MALRD1: variants seen among roughly 807,000 people sequenced by gnomAD.
MALRD1 encodes MAM and LDL receptor class A domain containing 1.
MALRD1 carries 247 observed loss-of-function variants against 242.1 expected under a neutral mutation model. The ratio of observed to expected loss-of-function variants is 1.02; its 90% confidence interval spans 0.92 to 1.13. The LOEUF is 1.13. Ranked by LOEUF, MALRD1 falls within the 50% of genes most tolerant of loss-of-function variation. The pLI, the probability that MALRD1 is intolerant of heterozygous loss-of-function variation, is 0.00. For synonymous variants in MALRD1, 995 were observed against 866.6 expected, an observed-to-expected ratio of 1.15 and a Z score of -2.60; for missense variants, 2,989 against 2,533.1, an observed-to-expected ratio of 1.18 and a Z score of -3.86.
rs528235756 is a variant in MALRD1 at position 19,587,329 on chromosome 10, A to G, written c.5681-7865A>G. On this transcript the variant is annotated intron_variant, in intron 33 of 39. Transcript: ENST00000454679. The stretch of plus-strand genomic sequence containing the variant: ...TACCCATTTGTAACAGGTGCATTAT[A>G]TTTTACAATGAGCATTTTTACTGTC... Among the ~76,000 whole-genome samples, 12 of 152,334 alleles carry G rather than the reference A, an allele frequency of 7.9e-5. No homozygotes were observed. In the South Asian group the frequency reaches 2.1e-3, roughly 26 times the overall value.
chr10:19,104,334 C>T (rs996056916), intron 5 of MALRD1, among the ~76,000 whole-genome samples: 4 of 152,244 alleles, frequency 2.6e-5, no homozygotes, highest in South Asian at 2.1e-4. Context: ...ATGTTTACAA[C>T]GGCTAAAGTT....
rs181917589 is a variant in MALRD1, at chr10:19,292,849, C to T, written c.3419+9668C>T. On this transcript the variant is annotated intron_variant, in intron 21 of 39. Transcript: ENST00000454679. ...CGGAGCTTGCAGTGAGCCGAGATCACGCCATTGCACTCCAGCCTGGGCAAC... is the reference window on the plus strand; with the variant it reads ...CGGAGCTTGCAGTGAGCCGAGATCATGCCATTGCACTCCAGCCTGGGCAAC... Among the ~76,000 whole-genome samples the T allele has an allele frequency of 7.6e-3, 1,105 of 145,514 alleles. 8 individuals carry two copies. The highest frequency in any genetic ancestry group is 0.027 in the African/African-American group (1,056 of 39,058).
chr10:19,507,220 T>C (rs1192089168), intron 31 of MALRD1, among the ~76,000 whole-genome samples: 4 of 152,072 alleles, frequency 2.6e-5, no homozygotes, highest in African/African-American at 9.7e-5. Flanking sequence ...AACGGGGATT[T>C]CAGTTAAGCA....
intron 8 of MALRD1, among the ~76,000 whole-genome samples, 189 bp downstream of exon 8, chr10:19,128,576 T>G (rs1837354150): frequency 6.6e-6 from 1 of 152,170 alleles, no homozygotes; most frequent in South Asian, 2.1e-4. Context: ...AAAGTTAATG[T>G]GATAACTTGC....
intron 36 of MALRD1, among the ~76,000 whole-genome samples, chr10:19,679,746 G>T (rs577025874): frequency 6.6e-6 from 1 of 151,940 alleles, no homozygotes; most frequent in African/African-American, 2.4e-5. Context: ...TTGATGTTAG[G>T]ATGTCAATTT....
chr10:19,483,079 C>A (rs1411944685), intron 29 of MALRD1, among the ~76,000 whole-genome samples: 1 of 151,682 alleles, frequency 6.6e-6, no homozygotes. Flanking sequence ...CAGCATGGTA[C>A]TGGTACAAAA....
chr10:19,696,483 G>A (rs974371022), intron 38 of MALRD1, among the ~76,000 whole-genome samples: 12 of 152,116 alleles, frequency 7.9e-5, no homozygotes, highest in Admixed American at 6.6e-5. Flanking sequence ...ACCGCCTGAT[G>A]AATTCTCTTC....
chr10:19,237,688 A>G (rs1254246137), intron 18 of MALRD1, among the ~76,000 whole-genome samples: 2 of 120,606 alleles, frequency 1.7e-5, no homozygotes, highest in Non-Finnish European at 3.2e-5. Flanking sequence ...TATAATTTAT[A>G]TATAAATACA....
chr10:19,696,631 G>A (rs1246358622), intron 38 of MALRD1, among the ~76,000 whole-genome samples: 1 of 152,014 alleles, frequency 6.6e-6, no homozygotes, highest in African/African-American at 2.4e-5. Flanking sequence ...CTTGGTCCAG[G>A]CACAGTGGCT....
At chr10:19,547,875 T>TGCATTCAG (rs1314067901) in intron 32 of MALRD1, among the ~76,000 whole-genome samples, 6 of 128,548 alleles carry the variant, frequency 4.7e-5, no homozygotes, top group Admixed American at 4.2e-4. Context: ...GTAACAACAT[T>TGCATTCAG]GCATTCAGCA....
At chr10:19,235,381 T>C (rs956418202) in intron 18 of MALRD1, among the ~76,000 whole-genome samples, 1 of 72,156 alleles carries the variant, frequency 1.4e-5, no homozygotes, top group African/African-American at 6.5e-5. Flanking sequence ...TTCTAAGCAT[T>C]TTTTTTTCGT....
At chr10:19,073,822 A>G (rs1013596953) in intron 2 of MALRD1, among the ~76,000 whole-genome samples, 1 of 152,142 alleles carries the variant, frequency 6.6e-6, no homozygotes, top group Non-Finnish European at 1.5e-5. Flanking sequence ...GGAATAAAAC[A>G]ATTACTTATT....
At chr10:19,337,130 A>G (rs1357566794) in intron 24 of MALRD1, among the ~76,000 whole-genome samples, 1 of 152,116 alleles carries the variant, frequency 6.6e-6, no homozygotes, top group Non-Finnish European at 1.5e-5. Flanking sequence ...ATGTAAGTAA[A>G]CTTTCATATA....
At chr10:19,331,683 A>C in intron 24 of MALRD1, 101 bp downstream of exon 24, 9 of 881,562 alleles carry the variant, frequency 1.0e-5, no homozygotes, top group Non-Finnish European at 1.4e-5. Context: ...TGTGTATCTC[A>C]ACACCAGGGG....
At chr10:19,420,870 C>T (rs1833695282) in intron 28 of MALRD1, among the ~76,000 whole-genome samples, 1 of 152,184 alleles carries the variant, frequency 6.6e-6, no homozygotes, top group Non-Finnish European at 1.5e-5. Flanking sequence ...GTGAAACCAT[C>T]CTCACCACTG....
intron 18 of MALRD1, among the ~76,000 whole-genome samples, chr10:19,235,705 A>AAAGTAACG (rs1838289770): frequency 6.6e-6 from 1 of 152,044 alleles, no homozygotes; most frequent in South Asian, 2.1e-4. Context: ...AAATATCTAG[A>AAAGTAACG]AAGTAACGTT....
rs529622680 is a variant in MALRD1, at chr10:19,168,943, A to G, written c.1830+3133A>G. ...TGGCTACAGCACACATTTATTTGGG[A>G]AACTACAGATGAGTAAAAGAAAAAT... On this transcript the variant is annotated intron_variant, in intron 13 of 39. Transcript: ENST00000454679. 7.5e-4 allele frequency among the ~76,000 whole-genome samples: 115 copies of G among 152,334 alleles called. 1 individual carries two copies. Among genetic ancestry groups the G allele is most frequent in the African/African-American group, 2.6e-3 (107 of 41,582 alleles).
In MALRD1 at chr10:19,242,596, C is replaced by T. The variant is rs530428883; in HGVS notation, c.2992-15088C>T. Among the ~76,000 whole-genome samples, 7 of 152,068 alleles carry T rather than the reference C, an allele frequency of 4.6e-5. No individual in the cohort carries two copies. In the East Asian group the frequency reaches 1.4e-3, roughly 29 times the overall value. ...TATTTGCTTTATATATCTGGTTGTT[C>T]TGGTGTTGGGTACGTATATAGTTAC... On this transcript the variant is annotated intron_variant, in intron 18 of 39. Transcript: ENST00000454679.
At chr10:19,580,856 C>A (rs1426280929) in intron 33 of MALRD1, among the ~76,000 whole-genome samples, 1 of 152,118 alleles carries the variant, frequency 6.6e-6, no homozygotes, top group African/African-American at 2.4e-5. Context: ...CCAAACAAGC[C>A]TTCCTGATTC....
Sources: allele counts gnomAD v4.1 joint callset (sites outside exome capture counted in the v4.1 genomes callset), GRCh38; gene constraint gnomAD v4.1.1; transcripts MANE v1.5; gene names NCBI Gene and HGNC (gene_info 2026-07-23, HGNC 2026-07-21).